Variants in FARP2 observed in about 807,000 individuals in gnomAD.
FARP2 encodes the protein FERM, ARH/RhoGEF and pleckstrin domain protein 2, also known as FERM, ARHGEF and pleckstrin domain-containing protein 2.
Under a neutral mutation model 130.5 loss-of-function variants are expected in FARP2, and 111 were observed. The ratio of observed to expected loss-of-function variants is 0.85; its 90% CI spans 0.73 to 1.00. The LOEUF is 1.00. FARP2 is among the 50% of genes least tolerant of loss of function. The pLI, the probability that FARP2 is intolerant of heterozygous loss-of-function variation, is 0.00. For synonymous variants in FARP2, 504 were observed against 516.9 expected (o/e 0.98, Z 0.34); for missense variants, 1,385 against 1,346.3 (o/e 1.03, Z -0.45).
At chr2:241,492,743 C>T (rs1574922955) in intron 24 of FARP2, 186 bp from the exon 25 acceptor site, 1 of 558,376 alleles carries the variant, frequency 1.8e-6, no homozygotes, top group East Asian at 2.9e-5. Flanking sequence ...GAATGTCACT[C>T]TAGGTTTTTA....
intron 1 of FARP2, among the ~76,000 whole-genome samples, chr2:241,360,661 G>A (rs62193199): frequency 7.1e-6 from 1 of 141,250 alleles, no homozygotes; most frequent in Non-Finnish European, 1.5e-5. Context: ...GTGACAGAGC[G>A]AGACTCTGTC....
At chr2:241,363,856 T>C (rs556337818) in intron 1 of FARP2, among the ~76,000 whole-genome samples, 1 of 152,352 alleles carries the variant, frequency 6.6e-6, no homozygotes, top group Non-Finnish European at 1.5e-5. Context: ...ATGTTAAAAA[T>C]GTCCAGGATA....
At chr2:241,371,515 T>C (rs113476649) in intron 1 of FARP2, among the ~76,000 whole-genome samples, 59 of 152,208 alleles carry the variant, frequency 3.9e-4, no homozygotes, top group African/African-American at 1.4e-3. Flanking sequence ...GATTTGCTTG[T>C]CTTGATGACA....
At chr2:241,404,564 G>A (rs559833739) in intron 3 of FARP2, among the ~76,000 whole-genome samples, 3 of 152,190 alleles carry the variant, frequency 2.0e-5, no homozygotes, top group Non-Finnish European at 4.4e-5. Flanking sequence ...CTGAATAGAG[G>A]TATCCCAGTA....
In FARP2 at chr2:241,482,931, A is replaced by G. The variant is rs2064653297; in HGVS notation, c.2263-534A>G. Reference sequence around the variant, plus strand: ...GGTGGTGCTAATTTGAATACTTAGGAGAACCCTCCTTTCCTCCTCCCATTC... The same window carrying G: ...GGTGGTGCTAATTTGAATACTTAGGGGAACCCTCCTTTCCTCCTCCCATTC... On this transcript the variant is annotated intron_variant, in intron 19 of 26. Coordinates refer to ENST00000264042, the MANE Select transcript of FARP2 (RefSeq NM_014808.4). This position sits in a 1 kb window ranked among gnomAD's most constrained non-coding sequence, Gnocchi z 4.6. Among the ~76,000 whole-genome samples, 1 of 151,918 alleles carries G rather than the reference A, an allele frequency of 6.6e-6. No individual in the cohort carries two copies. The highest frequency in any genetic ancestry group is 2.4e-5 in the African/African-American group (1 of 41,356).
In FARP2 at chr2:241,468,226, G is replaced by A. The variant is rs2064224086; in HGVS notation, c.1980G>A (p.Val660=). ...AACGCTGTAAGAAGTTGGAGGCAGT[G>A]TACAAGGAGTTTGAGCTGCAGAAGG... The part of the protein sequence containing the change: ...ATKRCKKLEA[V]YKEFELQKVC... The change falls in exon 18 of 27, where the codon GTG becomes GTA. Residue 660 remains valine, a synonymous_variant. Transcript: ENST00000264042. 1 of 1,614,142 alleles carries A rather than the reference G, an allele frequency of 6.2e-7. No individual in the cohort carries two copies. Among genetic ancestry groups the A allele is most frequent in the Non-Finnish European group, 8.5e-7 (1 of 1,180,010 alleles).
At position 241,494,017 on chromosome 2, in the gene FARP2, G is replaced by A; in HGVS notation, c.3057G>A (p.Glu1019=). ...CCGCCCTCTCCTCCAGGTGGATGGA[G>A]GTGATCCAGGGGGCCAGCAGCTCAG... ...ESKYTFERWM[E]VIQGASSSAG... The change falls in exon 27 of 27, where the codon GAG becomes GAA. Residue 1019 remains glutamate (E), a synonymous_variant. Transcript: ENST00000264042. The surrounding 1 kb of genome is among the most constrained non-coding windows in gnomAD (Gnocchi z 4.9). 1 of 1,392,934 alleles carries A rather than the reference G, an allele frequency of 7.2e-7. No individual in the cohort carries two copies. The highest frequency in any genetic ancestry group is 1.5e-5 in the African/African-American group (1 of 67,046). 86.3% of individuals were successfully genotyped at this position (1,392,934 alleles called of 1,614,324 possible).
chr2:241,488,867 TC>T (rs2064826224), intron 21 of FARP2: 1 of 152,224 alleles, frequency 6.6e-6, no homozygotes, highest in African/African-American at 2.4e-5. Context: ...CCAGCATCAG[TC>T]CACTCTCTCT....
chr2:241,390,377 C>T (rs2061878304), intron 2 of FARP2, among the ~76,000 whole-genome samples: 1 of 152,242 alleles, frequency 6.6e-6, no homozygotes, highest in South Asian at 2.1e-4. Context: ...TATCATACCC[C>T]AGTGTCTGCT....
chr2:241,482,310 C>T lies in FARP2; in HGVS notation c.2263-1155C>T, dbSNP rs537570778. ...GAGAAGGCGCCCCGTGGGTCTGGGA[C>T]GCACATCCTGTGAGGGAGCTCTGGA... is the stretch of plus-strand genomic sequence containing the variant. On this transcript the variant is annotated intron_variant, in intron 19 of 26. Transcript: ENST00000264042. This position sits in a 1 kb window ranked among gnomAD's most constrained non-coding sequence, Gnocchi z 4.6. Among the ~76,000 whole-genome samples the T allele has an allele frequency of 4.9e-4, 74 of 152,304 alleles. No individual in the cohort carries two copies. The highest frequency in any genetic ancestry group is 1.1e-3 in the African/African-American group (47 of 41,578).
At chr2:241,435,096 A>C (rs2063191324) in intron 11 of FARP2, 66 bp downstream of exon 11, 1 of 919,550 alleles carries the variant, frequency 1.1e-6, no homozygotes, top group Non-Finnish European at 1.7e-6. Context: ...ATATATATGG[A>C]GAGAGAGCGA....
intron 24 of FARP2, 83 bp downstream of exon 24, chr2:241,491,762 G>T: frequency 7.2e-7 from 1 of 1,386,362 alleles, no homozygotes. Flanking sequence ...GGGGACCTCA[G>T]GAGGGTACCA....
chr2:241,487,676 A>AAG (rs1474045876), intron 21 of FARP2, among the ~76,000 whole-genome samples: 1 of 108,846 alleles, frequency 9.2e-6, no homozygotes, highest in African/African-American at 3.0e-5. Flanking sequence ...CAAAAAAAAA[A>AAG]AAAAGAAAGA....
intron 1 of FARP2, among the ~76,000 whole-genome samples, chr2:241,368,677 G>A (rs1011729188): frequency 4.6e-5 from 7 of 151,910 alleles, no homozygotes; most frequent in African/African-American, 1.7e-4. Context: ...TCACTATGTT[G>A]CCCAGGCTGG....
chr2:241,375,786 T>C (rs892915324), intron 2 of FARP2, among the ~76,000 whole-genome samples: 4 of 151,686 alleles, frequency 2.6e-5, no homozygotes, highest in African/African-American at 9.7e-5. Context: ...AGAGACAGGA[T>C]CTTGCTATGT....
intron 8 of FARP2, among the ~76,000 whole-genome samples, chr2:241,420,105 C>T (rs766496922): frequency 6.6e-6 from 1 of 152,156 alleles, no homozygotes; most frequent in Non-Finnish European, 1.5e-5. Context: ...GAGCCGAGAT[C>T]GTGCCACTGC....
At position 241,485,940 on chromosome 2, in the gene FARP2, C is replaced by T. The variant is rs534742567; in HGVS notation, c.2421+1609C>T. On this transcript the variant is annotated intron_variant, in intron 21 of 26. Coordinates refer to ENST00000264042, the MANE Select transcript of FARP2 (RefSeq NM_014808.4). ...TGTTCTTTCTTCAAGGGTCTTATCC[C>T]TCTGCACTGCCTCCTCCTGACAATG... 2.6e-5 allele frequency among the ~76,000 whole-genome samples: 4 copies of T among 152,330 alleles called. No homozygotes were observed. In the South Asian group the frequency reaches 6.2e-4, roughly 24 times the overall value.
intron 2 of FARP2, among the ~76,000 whole-genome samples, chr2:241,383,825 A>G (rs2061719292): frequency 6.6e-6 from 1 of 152,010 alleles, no homozygotes; most frequent in African/African-American, 2.4e-5. Flanking sequence ...GCCCATGGGA[A>G]GAGCTGCTTT....
intron 19 of FARP2, among the ~76,000 whole-genome samples, chr2:241,479,258 A>T (rs147476185): frequency 0.037 from 5,595 of 152,320 alleles, 133 homozygotes; most frequent in Non-Finnish European, 0.055. Flanking sequence ...AGATGCTCCC[A>T]GTCAGCCCAC....
Sources: allele counts gnomAD v4.1 joint callset (sites outside exome capture counted in the v4.1 genomes callset), GRCh38; gene constraint gnomAD v4.1.1; non-coding constraint Gnocchi (gnomAD v3.1); transcripts MANE v1.5; gene names NCBI Gene and HGNC (gene_info 2026-07-23, HGNC 2026-07-21).